ZNF567: variants seen among roughly 807,000 people sequenced by gnomAD.
The protein encoded by ZNF567 is zinc finger protein 567.
ZNF567 carries 36 observed loss-of-function variants against 53.9 expected under a neutral mutation model. The observed-to-expected ratio is 0.67, with a 90% CI of 0.51 to 0.88. ZNF567 has a LOEUF of 0.88. Among genes scored for constraint, ZNF567 ranks in the 40% least tolerant of loss-of-function variants. The pLI is 0.00. For synonymous variants in ZNF567, 224 were observed against 260.4 expected, an observed-to-expected ratio of 0.86 and a Z score of 1.35; for missense variants, 619 against 764.7, an observed-to-expected ratio of 0.81 and a Z score of 2.25.
At chr19:36,685,343 A>T (rs2038245034), upstream of ZNF567, 1 of 152,230 alleles carries the variant, frequency 6.6e-6, no homozygotes, top group Non-Finnish European at 1.5e-5. Flanking sequence ...TGTAGGTGTT[A>T]TATCACACCC....
chr19:36,722,309 A>G (rs778532907), downstream of ZNF567, among the ~76,000 whole-genome samples: 2 of 152,022 alleles, frequency 1.3e-5, no homozygotes, highest in African/African-American at 2.4e-5. Flanking sequence ...AAATTTATTA[A>G]TTAATTTATT....
intron 3 of ZNF567, among the ~76,000 whole-genome samples, chr19:36,707,859 G>A (rs1356589456): frequency 4.6e-5 from 7 of 152,154 alleles, no homozygotes; most frequent in East Asian, 3.9e-4. Flanking sequence ...GATTACAGGC[G>A]TGAGCCACTG....
chr19:36,715,497 AATAATAATAATAATTATTATTATT>A (rs1454341474), intron 5 of ZNF567, among the ~76,000 whole-genome samples: 11 of 76,700 alleles, frequency 1.4e-4, no homozygotes, highest in East Asian at 4.3e-4. Context: ...TAATAATAAT[AATAATAATAATAATTATTATTATT>A]ATTATTATTA....
the ZNF567 span, among the ~76,000 whole-genome samples, chr19:36,681,348 C>T: frequency 6.6e-6 from 1 of 152,026 alleles, no homozygotes; most frequent in African/African-American, 2.4e-5. Flanking sequence ...TTTAAGGGTC[C>T]CTTTTACATA....
At chr19:36,670,715 G>A in the ZNF567 span, among the ~76,000 whole-genome samples, 6 of 152,132 alleles carry the variant, frequency 3.9e-5, no homozygotes, top group African/African-American at 7.2e-5. Context: ...CCAGTAATAC[G>A]CTTTCACTGT....
chr19:36,674,497 T>TA, the ZNF567 span, among the ~76,000 whole-genome samples: 6 of 152,136 alleles, frequency 3.9e-5, no homozygotes, highest in African/African-American at 1.4e-4. Flanking sequence ...TAAAGGGTAC[T>TA]AATGGAGCAA....
At chr19:36,711,811 T>C (rs2145830942) in intron 3 of ZNF567, 1 of 152,550 alleles carries the variant, frequency 6.6e-6, no homozygotes, top group Middle Eastern at 3.4e-3. Flanking sequence ...AAACAGTGTT[T>C]GTCTTGGCAC....
At chr19:36,671,302 G>T in the ZNF567 span, among the ~76,000 whole-genome samples, 1 of 152,192 alleles carries the variant, frequency 6.6e-6, no homozygotes, top group Non-Finnish European at 1.5e-5. Flanking sequence ...AGGTCGGGTG[G>T]TGTGGAGCAT....
intron 2 of ZNF567, among the ~76,000 whole-genome samples, chr19:36,690,766 A>G (rs1273142899): frequency 6.6e-6 from 1 of 152,232 alleles, no homozygotes; most frequent in Non-Finnish European, 1.5e-5. Context: ...ACCAACAACC[A>G]TTGAATCGTA....
chr19:36,722,949 C>T (rs1387637047), downstream of ZNF567, among the ~76,000 whole-genome samples: 5 of 149,318 alleles, frequency 3.3e-5, no homozygotes, highest in African/African-American at 1.3e-4. Flanking sequence ...TTTATATATG[C>T]ATAAAGATTT....
At chr19:36,721,925 A>G (rs1177346754), downstream of ZNF567, among the ~76,000 whole-genome samples, 1 of 151,666 alleles carries the variant, frequency 6.6e-6, no homozygotes, top group African/African-American at 2.4e-5. Context: ...TTGTATTTTT[A>G]GTAGAGACGG....
intron 3 of ZNF567, among the ~76,000 whole-genome samples, chr19:36,697,053 G>A (rs1299480827): frequency 6.6e-6 from 1 of 152,120 alleles, no homozygotes; most frequent in Non-Finnish European, 1.5e-5. Flanking sequence ...TAGGAGACAA[G>A]AAAATGTTAA....
chr19:36,715,478 AAATAATAATAATAATAAT>A (rs200738092), intron 5 of ZNF567, among the ~76,000 whole-genome samples: 1,972 of 120,366 alleles, frequency 0.016, 27 homozygotes, highest in Non-Finnish European at 0.024. Flanking sequence ...ATTTAACTCA[AAATAATAATAATAATAAT>A]AATAATAATA....
intron 5 of ZNF567, among the ~76,000 whole-genome samples, chr19:36,715,493 TAA>T (rs2040003089): frequency 3.1e-4 from 23 of 73,684 alleles, no homozygotes; most frequent in South Asian, 9.3e-4. Context: ...ATAATAATAA[TAA>T]TAATAATAAT....
chr19:36,708,254 T>G (rs920660279), intron 3 of ZNF567, among the ~76,000 whole-genome samples: 3 of 152,220 alleles, frequency 2.0e-5, no homozygotes, highest in African/African-American at 7.2e-5. Context: ...TCATTTTTTT[T>G]CCCTCATGAA....
the ZNF567 span, among the ~76,000 whole-genome samples, chr19:36,667,271 G>T: frequency 6.6e-6 from 1 of 151,922 alleles, no homozygotes; most frequent in Non-Finnish European, 1.5e-5. Flanking sequence ...GGCCGGGCGC[G>T]GTGGCTCACG....
upstream of ZNF567, among the ~76,000 whole-genome samples, chr19:36,683,218 G>A (rs2038213977): frequency 6.6e-6 from 1 of 151,570 alleles, no homozygotes; most frequent in African/African-American, 2.4e-5. Flanking sequence ...GACTACAGGT[G>A]CACCACCACA....
Position 36,719,213 on chromosome 19 carries a change from T to C in ZNF567, c.489T>C (p.Asn163=). Residue 163 remains asparagine, a synonymous_variant, in exon 6 of 6, where the codon AAT becomes AAC. Coordinates refer to ENST00000682579, the MANE Select transcript of ZNF567 (RefSeq NM_001322917.1). ...CAAGAAAGAGACTTAGTGAGTATAA[T>C]GGATATGGGAAATCACTCCTGAGTA... ...NPARKRLSEY[N]GYGKSLLSTK... is the part of the protein sequence containing the mutation. 1.2e-6 allele frequency: 2 copies of C among 1,613,988 alleles called. No homozygotes were observed. The highest frequency in any genetic ancestry group is 1.7e-6 in the Non-Finnish European group (2 of 1,179,994).
At chr19:36,697,220 T>C (rs1229896912) in intron 3 of ZNF567, among the ~76,000 whole-genome samples, 1 of 152,226 alleles carries the variant, frequency 6.6e-6, no homozygotes, top group Admixed American at 6.5e-5. Flanking sequence ...ATGTTTTTTA[T>C]ATCCTTGGAT....
Sources: allele counts gnomAD v4.1 joint callset (sites outside exome capture counted in the v4.1 genomes callset), GRCh38; gene constraint gnomAD v4.1.1; transcripts MANE v1.5; gene names NCBI Gene and HGNC (gene_info 2026-07-23, HGNC 2026-07-21).